INPP5J: variants seen among roughly 807,000 people sequenced by gnomAD.
INPP5J encodes the protein inositol polyphosphate-5-phosphatase J.
INPP5J carries 75 observed loss-of-function variants against 86.6 expected under a neutral mutation model. The ratio of observed to expected loss-of-function variants is 0.87; its 90% confidence interval spans 0.72 to 1.05. The LOEUF (loss-of-function observed/expected upper bound fraction) is 1.05. Ranked by LOEUF, INPP5J falls within the 50% of genes least tolerant of loss-of-function variation. The pLI, the probability that INPP5J is intolerant of heterozygous loss-of-function variation, is 0.00. For synonymous variants in INPP5J, 540 were observed against 550.0 expected, an observed-to-expected ratio of 0.98 and a Z score of 0.25; for missense variants, 1,229 against 1,341.2, an observed-to-expected ratio of 0.92 and a Z score of 1.31.
At chr22:31,123,300 C>T (rs1017225802) in intron 1 of INPP5J, among the ~76,000 whole-genome samples, 181 bp downstream of exon 1, 4 of 152,008 alleles carry the variant, frequency 2.6e-5, no homozygotes, top group Non-Finnish European at 5.9e-5. Context: ...ACAGGATGCC[C>T]GGAGACAGAT....
At chr22:31,128,096 T>A (rs753051499) in intron 7 of INPP5J, 34 bp downstream of exon 7, 1 of 1,531,766 alleles carries the variant, frequency 6.5e-7, no homozygotes, top group Non-Finnish European at 9.0e-7. Context: ...ACACAGAGCA[T>A]GTCCCAGGAC....
chr22:31,127,081 G>GACTAATCTAAAGCCCCCTTCAT, intron 5 of INPP5J, 44 bp downstream of exon 5: 1 of 1,339,826 alleles, frequency 7.5e-7, no homozygotes, highest in Non-Finnish European at 1.0e-6. Flanking sequence ...ACATGAAGGG[G>GACTAATCTAAAGCCCCCTTCAT]GCTTTAGATT....
Position 31,126,600 on chromosome 22 carries a change from C to T in INPP5J, c.1386-13C>T. 6.2e-6 allele frequency: 10 copies of T among 1,611,078 alleles called. No homozygotes were observed. The highest frequency in any genetic ancestry group is 8.5e-6 in the Non-Finnish European group (10 of 1,177,260). ...TCTCCAATCCCATGGCCACCCTGCC[C>T]CCACCCCTCCAGGTTGCAGGAAGTG... On this transcript the variant is annotated splice_polypyrimidine_tract_variant and intron_variant, in intron 3 of 12. Transcript: ENST00000331075.
At position 31,133,693 on chromosome 22, in the gene INPP5J, C is replaced by T. The variant is rs61742926; in HGVS notation, c.2493C>T (p.Ile831=). Residue 831 remains isoleucine, a synonymous_variant, in exon 12 of 13, where the codon ATC becomes ATT. Coordinates refer to ENST00000331075, the MANE Select transcript of INPP5J (RefSeq NM_001284285.2). ...ATAGTCACAACCACAGCATCCTCAT[C>T]GGCATCACTGAACCCTTCCAGGTAA... ...GYYSHNHSIL[I]GITEPFQISL... The T allele has an allele frequency of 1.6e-3, 2,588 of 1,612,870 alleles. 38 individuals carry two copies. In the African/African-American group the frequency reaches 0.028, roughly 17 times the overall value.
At chr22:31,128,934 T>C (rs1044505675) in intron 9 of INPP5J, among the ~76,000 whole-genome samples, 10 of 143,676 alleles carry the variant, frequency 7.0e-5, no homozygotes, top group East Asian at 2.0e-4. Flanking sequence ...TTTCTTTTTT[T>C]TTTTTTTTTT....
In INPP5J at chr22:31,126,363, C is replaced by T; in HGVS notation, c.1272-13C>T. The T allele has an allele frequency of 6.3e-7, 1 of 1,598,784 alleles. No homozygotes were observed. ...GGTGCCAGGACTACACCCTCATATG[C>T]CCCTGCCCTCAGGATCACTGTGGTC... On this transcript the variant is annotated splice_polypyrimidine_tract_variant and intron_variant, in intron 2 of 12. Coordinates refer to ENST00000331075, the MANE Select transcript of INPP5J (RefSeq NM_001284285.2).
chr22:31,125,578 C>T lies in INPP5J; in HGVS notation c.839C>T (p.Ser280Phe). 6.4e-7 allele frequency: 1 copy of T among 1,550,578 alleles called. No homozygotes were observed. The highest frequency in any genetic ancestry group is 2.0e-5 in the Admixed American group (1 of 51,010). Residue 280 changes from serine (S) to phenylalanine (F), a missense_variant, in exon 2 of 13, where the codon TCC (serine) becomes TTC (phenylalanine). Coordinates refer to ENST00000331075, the MANE Select transcript of INPP5J (RefSeq NM_001284285.2). ...QTSPDPRLSP[S>F]FRARPEALHS... The stretch of plus-strand genomic sequence containing the variant: ...TCCCCAGACCCTCGGCTCTCCCCCT[C>T]CTTCCGAGCCCGGCCTGAGGCCCTC...
At chr22:31,129,415 AT>A (rs1921855599) in intron 9 of INPP5J, among the ~76,000 whole-genome samples, 1 of 125,276 alleles carries the variant, frequency 8.0e-6, no homozygotes, top group Non-Finnish European at 1.7e-5. Context: ...TAATTTTTGT[AT>A]TTTAGTAGAG....
At chr22:31,123,526 G>A (rs1019499648) in intron 1 of INPP5J, among the ~76,000 whole-genome samples, 2 of 152,146 alleles carry the variant, frequency 1.3e-5, no homozygotes, top group African/African-American at 2.4e-5. Context: ...GGGGGAAGCC[G>A]GCACACAGTG....
intron 6 of INPP5J, 30 bp from the exon 7 acceptor site, chr22:31,127,921 C>T (rs776531507): frequency 3.1e-6 from 4 of 1,310,426 alleles, no homozygotes; most frequent in African/African-American, 2.9e-5. Flanking sequence ...CACTGCCCCC[C>T]ACATCTCTCC....
Position 31,123,021 on chromosome 22 carries a change from G to A in INPP5J, c.7G>A (p.Gly3Ser). ME[G>S]QSSRGSRRPG... ...GCTGCCGGGGGCTGCAGACATGGAG[G>A]GCCAGAGCAGCAGGGGCAGCAGGAG... Residue 3 changes from glycine to serine, a missense_variant, in exon 1 of 13, where the codon GGC (glycine) becomes AGC (serine). Transcript: ENST00000331075. 6.9e-7 allele frequency: 1 copy of A among 1,458,758 alleles called. No homozygotes were observed. Among genetic ancestry groups the A allele is most frequent in the South Asian group, 1.4e-5 (1 of 72,044 alleles). The allele number at this position is 1,458,758 out of a possible 1,614,324, so 90.4% of individuals were successfully genotyped here.
chr22:31,133,079 C>T lies in INPP5J; in HGVS notation c.2194-19C>T, dbSNP rs1922204481. 2 of 1,555,142 alleles carry T rather than the reference C, an allele frequency of 1.3e-6. No individual in the cohort carries two copies. The highest frequency in any genetic ancestry group is 1.7e-6 in the Non-Finnish European group (2 of 1,149,054). Reference sequence around the variant, plus strand: ...GGTCTCCCCTGATGTGGCCCCCTGCCCCTGCCTTGCCTGGACAGTTTGCCT... The same window carrying T: ...GGTCTCCCCTGATGTGGCCCCCTGCTCCTGCCTTGCCTGGACAGTTTGCCT... On this transcript the variant is annotated intron_variant, in intron 9 of 12. Transcript: ENST00000331075.
chr22:31,133,215 G>A lies in INPP5J; in HGVS notation c.2311G>A (p.Asp771Asn), dbSNP rs1029688118. The A allele has an allele frequency of 3.1e-6, 5 of 1,606,798 alleles. No individual in the cohort carries two copies. The highest frequency in any genetic ancestry group is 4.2e-6 in the Non-Finnish European group (5 of 1,177,738). The change falls in exon 10 of 13, where the codon GAC (aspartate) becomes AAC (asparagine). Residue 771 changes from aspartate (D) to asparagine (N), a missense_variant. Coordinates refer to ENST00000331075, the MANE Select transcript of INPP5J (RefSeq NM_001284285.2). ...AACAGTGTTCGCCCGCAGCTCCTGG[G>A]ACTGGATCGGCTTATACCGGGTGAG... ...METVFARSSWDWIGLYRVGFR... is the reference protein window; with the variant it reads ...METVFARSSWNWIGLYRVGFR...
Position 31,128,198 on chromosome 22 carries a change from C to T in INPP5J, c.1900-16C>T, listed in dbSNP as rs1454268631. 3 of 1,570,520 alleles carry T rather than the reference C, an allele frequency of 1.9e-6. No individual in the cohort carries two copies. Among genetic ancestry groups the T allele is most frequent in the Middle Eastern group, 1.7e-4 (1 of 6,014 alleles). ...CCCAAGCTGTTGTCCAATCTGCTCT[C>T]CTGGACCCCCCACAGCTCAACATGG... On this transcript the variant is annotated splice_polypyrimidine_tract_variant and intron_variant, in intron 7 of 12. Coordinates refer to ENST00000331075, the MANE Select transcript of INPP5J (RefSeq NM_001284285.2).
rs1261100203 is a variant in INPP5J, at chr22:31,124,863, C to G, written c.124C>G (p.Leu42Val). The G allele has an allele frequency of 6.2e-7, 1 of 1,610,938 alleles. No homozygotes were observed. The highest frequency in any genetic ancestry group is 8.5e-7 in the Non-Finnish European group (1 of 1,177,638). Residue 42 changes from leucine to valine, a missense_variant, in exon 2 of 13, where the codon CTC becomes GTC. Leu to Val is a conservative substitution (Grantham distance 32). Coordinates refer to ENST00000331075, the MANE Select transcript of INPP5J (RefSeq NM_001284285.2). ...APSKVDSSFQ[L>V]PAKKNAALGP... ...CCACAAGGTGGACTCAAGTTTTCAG[C>G]TCCCAGCAAAGAAGAACGCAGCCCT...
At position 31,125,825 on chromosome 22, in the gene INPP5J, TC is replaced by T. The variant is rs762571589; in HGVS notation, c.1091del (p.Pro364GlnfsTer21). Reference sequence around the variant, plus strand: ...ACTCCCCGAATCGCTCTCCCTGTGTTCCCCCAGCCCCTGACATGGCCCTCCC... The same window carrying T: ...ACTCCCCGAATCGCTCTCCCTGTGTTCCCCAGCCCCTGACATGGCCCTCCC... ...SHSPNRSPCVPPAPDMALPRL... is the reference protein window; with the variant it reads ...SHSPNRSPCVXPAPDMALPRL... On this transcript the variant is annotated frameshift_variant, in exon 2 of 13. Coordinates refer to ENST00000331075, the MANE Select transcript of INPP5J (RefSeq NM_001284285.2). LOFTEE classifies it high-confidence loss of function. The T allele has an allele frequency of 1.2e-6, 2 of 1,605,306 alleles. No homozygotes were observed. The highest frequency in any genetic ancestry group is 8.5e-7 in the Non-Finnish European group (1 of 1,176,128).
intron 1 of INPP5J, among the ~76,000 whole-genome samples, chr22:31,124,528 G>A (rs766726919): frequency 1.3e-4 from 20 of 152,192 alleles, no homozygotes; most frequent in Non-Finnish European, 2.5e-4. Context: ...GAATGGGCAG[G>A]GTGTGGGTGC....
At position 31,133,673 on chromosome 22, in the gene INPP5J, C is replaced by G. The variant is rs1179903245; in HGVS notation, c.2473C>G (p.His825Asp). Residue 825 changes from histidine to aspartate, a missense_variant, in exon 12 of 13, where the codon CAC becomes GAC. Physicochemically the swap from His to Asp is moderately conservative, Grantham distance 81. Transcript: ENST00000331075. ...HGDFILGYYS[H>D]NHSILIGITE... ...AGACTTCATCCTGGGCTACTATAGT[C>G]ACAACCACAGCATCCTCATCGGCAT... 1 of 1,613,222 alleles carries G rather than the reference C, an allele frequency of 6.2e-7. No individual in the cohort carries two copies. Among genetic ancestry groups the G allele is most frequent in the African/African-American group, 1.3e-5 (1 of 74,904 alleles).
At position 31,124,895 on chromosome 22, in the gene INPP5J, C is replaced by T. The variant is rs763288191; in HGVS notation, c.156C>T (p.Pro52=). The T allele has an allele frequency of 1.9e-5, 31 of 1,613,782 alleles. No homozygotes were observed. Among genetic ancestry groups the T allele is most frequent in the Middle Eastern group, 1.6e-4 (1 of 6,084 alleles). The change falls in exon 2 of 13, where the codon CCC becomes CCT. Residue 52 remains proline, a synonymous_variant. Coordinates refer to ENST00000331075, the MANE Select transcript of INPP5J (RefSeq NM_001284285.2). ...LPAKKNAALG[P]SEPRLALAPV... is the part of the protein sequence containing the mutation. Reference sequence around the variant, plus strand: ...CAAAGAAGAACGCAGCCCTAGGACCCTCGGAACCAAGGTTGGCTCTGGCAC... The same window carrying T: ...CAAAGAAGAACGCAGCCCTAGGACCTTCGGAACCAAGGTTGGCTCTGGCAC...
Sources: allele counts gnomAD v4.1 joint callset (sites outside exome capture counted in the v4.1 genomes callset), GRCh38; gene constraint gnomAD v4.1.1; transcripts MANE v1.5; gene names NCBI Gene and HGNC (gene_info 2026-07-23, HGNC 2026-07-21).